The following NEB variants were observed in gnomAD, a reference collection of about 807,000 sequenced individuals.
NEB encodes the protein nemaline myopathy type 2.
NEB carries 512 observed loss-of-function variants against 952.2 expected under a neutral mutation model. That is an observed-to-expected ratio of 0.54 (90% CI 0.50 to 0.58). NEB has a LOEUF of 0.58. NEB is among the 20% of genes least tolerant of loss of function. The pLI is 0.00. For missense variants in NEB, 8,428 were observed against 9,231.1 expected (o/e 0.91, Z 3.56); for synonymous variants, 2,900 against 3,149.8 (o/e 0.92, Z 2.66).
At chr2:151,667,754 C>T in intron 40 of NEB, 50 bp downstream of exon 40, 15 of 1,467,336 alleles carry the variant, frequency 1.0e-5, no homozygotes, top group Non-Finnish European at 1.4e-5. Flanking sequence ...TGGTCTTGAA[C>T]TCCTGAAGTC....
chr2:151,540,958 TC>T lies in NEB; in HGVS notation c.20683-158del, dbSNP rs1384163127. ...GTTTTTTTGTTATATGCGTTTCTGT[TC>T]ATTTGTTTCTCTGTGTCTCATATTT... On this transcript the variant is annotated intron_variant, in intron 136 of 181. Coordinates refer to ENST00000397345, the MANE Select transcript of NEB (RefSeq NM_001164508.2). 3.9e-5 allele frequency among the ~76,000 whole-genome samples: 6 copies of T among 152,258 alleles called. No homozygotes were observed. The East Asian group carries it at 1.2e-3, about 29-fold the overall frequency.
Position 151,527,538 on chromosome 2 carries a change from C to G in NEB, c.21783G>C (p.Trp7261Cys). ...GGAGGAAGTCCGGTCGGTCAGGAGT[C>G]CACTTCCAGTGGGCTTTGTTGGCTT... is the stretch of plus-strand genomic sequence containing the variant. The part of the protein sequence containing the change: ...QYEANKAHWK[W>C]TPDRPDFLQA... Residue 7261 changes from tryptophan (W) to cysteine (C), a missense_variant, in exon 147 of 182, where the codon TGG becomes TGC. Transcript: ENST00000397345. The G allele has an allele frequency of 6.2e-7, 1 of 1,613,428 alleles. No individual in the cohort carries two copies.
intron 71 of NEB, among the ~76,000 whole-genome samples, chr2:151,624,995 T>G (rs1052983189): frequency 6.6e-6 from 1 of 152,182 alleles, no homozygotes; most frequent in African/African-American, 2.4e-5. Flanking sequence ...CAAGTTATTT[T>G]GAGCACATTA....
chr2:151,693,270 C>G (rs922340297), intron 20 of NEB, among the ~76,000 whole-genome samples: 1 of 152,038 alleles, frequency 6.6e-6, no homozygotes, highest in Non-Finnish European at 1.5e-5. Flanking sequence ...TGATTTCCAA[C>G]TTTTATTTTA....
intron 63 of NEB, 81 bp from the exon 64 acceptor site, chr2:151,636,415 T>C: frequency 9.2e-7 from 1 of 1,085,660 alleles, no homozygotes; most frequent in Non-Finnish European, 1.3e-6. Context: ...CACTAAGTTC[T>C]CCACAGACAG....
intron 153 of NEB, 73 bp downstream of exon 153, chr2:151,524,238 G>A: frequency 7.8e-7 from 1 of 1,289,182 alleles, no homozygotes; most frequent in South Asian, 1.2e-5. Context: ...TTTCAATCTG[G>A]AAATCACTTC....
intron 67 of NEB, among the ~76,000 whole-genome samples, chr2:151,630,279 T>G (rs1490000291): frequency 6.6e-6 from 1 of 152,308 alleles, no homozygotes; most frequent in South Asian, 2.1e-4. Context: ...TTCTTCCTTA[T>G]GCCTAAGGTT....
chr2:151,718,125 T>A (rs546284369), intron 9 of NEB, among the ~76,000 whole-genome samples: 23 of 152,280 alleles, frequency 1.5e-4, no homozygotes, highest in African/African-American at 5.5e-4. Context: ...AGTGCTGGGA[T>A]TACAGGCGTG....
At chr2:151,643,643 C>T (rs999539970) in intron 57 of NEB, among the ~76,000 whole-genome samples, 175 bp downstream of exon 57, 13 of 152,150 alleles carry the variant, frequency 8.5e-5, no homozygotes, top group Non-Finnish European at 1.8e-4. Context: ...AGCAATGGGG[C>T]TTTGCTGGCT....
chr2:151,714,715 AAGG>A, intron 10 of NEB, among the ~76,000 whole-genome samples: 1 of 152,266 alleles, frequency 6.6e-6, no homozygotes, highest in Admixed American at 6.5e-5. Flanking sequence ...TGACTAGATA[AAGG>A]AGGTTTTTTA....
At chr2:151,653,959 A>G in intron 52 of NEB, 33 bp downstream of exon 52, 2 of 1,421,240 alleles carry the variant, frequency 1.4e-6, no homozygotes, top group Non-Finnish European at 2.0e-6. Flanking sequence ...TCAGATAAAA[A>G]TATAGCCTTA....
intron 8 of NEB, 75 bp downstream of exon 8, chr2:151,724,185 G>T: frequency 1.8e-6 from 2 of 1,131,190 alleles, no homozygotes; most frequent in Non-Finnish European, 2.6e-6. Context: ...ATGATCAAGA[G>T]TTCACCAAGT....
chr2:151,501,469 CTCTTT>C lies in NEB; in HGVS notation c.23938_23942del (p.Lys7980GlufsTer13), dbSNP rs2153073623. ...GTAGGGGAGTCCCCTTGCTCAAGTTCTCTTTGTACAATATCTGTGTGCACAAAACC... is the reference window on the plus strand; with the variant it reads ...GTAGGGGAGTCCCCTTGCTCAAGTTCGTACAATATCTGTGTGCACAAAACC... On this transcript the variant is annotated frameshift_variant, in exon 168 of 182. Transcript: ENST00000397345. LOFTEE classifies it high-confidence loss of function. The C allele has an allele frequency of 6.6e-7, 1 of 1,519,342 alleles. No homozygotes were observed. The highest frequency in any genetic ancestry group is 1.4e-5 in the African/African-American group (1 of 72,084). 94.1% of individuals were successfully genotyped at this position (1,519,342 alleles called of 1,614,324 possible). A position where few individuals can be genotyped will look rare whatever the true frequency, so the allele number is the denominator to read the frequency against.
chr2:151,684,109 C>T (rs1009789709), intron 28 of NEB, among the ~76,000 whole-genome samples: 1 of 152,080 alleles, frequency 6.6e-6, no homozygotes, highest in African/African-American at 2.4e-5. Context: ...GAATTTCAGT[C>T]TGGGAAGATG....
intron 162 of NEB, among the ~76,000 whole-genome samples, chr2:151,507,393 G>A (rs2070047855): frequency 1.3e-5 from 2 of 152,184 alleles, no homozygotes; most frequent in Non-Finnish European, 2.9e-5. Context: ...GCAGAAGCAG[G>A]AGGGTTTTTC....
At position 151,535,773 on chromosome 2, in the gene NEB, T is replaced by A; in HGVS notation, c.21230A>T (p.Glu7077Val). Residue 7077 changes from glutamate to valine, a missense_variant, in exon 142 of 182, where the codon GAA becomes GTA. Glu to Val is a moderately radical substitution (Grantham distance 121). Around this residue, in one of 11 missense-constraint regions of NEB, gnomAD observed 3,374 missense variants for 3,651.5 expected, o/e 0.92. Transcript: ENST00000397345. ...YSKYKYKEVF[E>V]RTKSDFKYVA... ...ATACTTGAAATCTGACTTTGTCCTTTCAAATACTTCTTTATACTTATACTA... is the reference window on the plus strand; with the variant it reads ...ATACTTGAAATCTGACTTTGTCCTTACAAATACTTCTTTATACTTATACTA... The A allele has an allele frequency of 6.3e-7, 1 of 1,599,978 alleles. No homozygotes were observed. Among genetic ancestry groups the A allele is most frequent in the Non-Finnish European group, 8.5e-7 (1 of 1,171,722 alleles).
At chr2:151,629,723 C>G in intron 67 of NEB, 77 bp from the exon 68 acceptor site, 3 of 1,252,864 alleles carry the variant, frequency 2.4e-6, no homozygotes, top group Non-Finnish European at 3.4e-6. Context: ...GACTTATATC[C>G]TAAAATTTAA....
At chr2:151,689,684 T>C (rs6733909) in intron 24 of NEB, 101,401 of 152,132 alleles carry the variant, frequency 0.67, 38,036 homozygotes, top group Non-Finnish European at 0.83. Context: ...GTCCATTGCC[T>C]ACCTAAGCCA....
rs780972887 is a variant in NEB, at chr2:151,530,980, A to G, written c.21630+14T>C. The stretch of plus-strand genomic sequence containing the variant: ...CCAAGATGAGAGGGACTGCTAAACC[A>G]TTCTAGTACTTACATCACTGACTTC... On this transcript the variant is annotated intron_variant, in intron 145 of 181. Coordinates refer to ENST00000397345, the MANE Select transcript of NEB (RefSeq NM_001164508.2). 2 of 1,576,360 alleles carry G rather than the reference A, an allele frequency of 1.3e-6. No individual in the cohort carries two copies. Among genetic ancestry groups the G allele is most frequent in the Non-Finnish European group, 1.7e-6 (2 of 1,147,594 alleles).
Sources: allele counts gnomAD v4.1 joint callset (sites outside exome capture counted in the v4.1 genomes callset), GRCh38; gene constraint gnomAD v4.1.1; regional missense constraint gnomAD v4.1.1; transcripts MANE v1.5; gene names NCBI Gene and HGNC (gene_info 2026-07-23, HGNC 2026-07-21).